The following HS3ST2 variants were observed in gnomAD, a reference collection of about 807,000 sequenced individuals.
HS3ST2 encodes the protein heparan sulfate-glucosamine 3-sulfotransferase 2, also known as heparan sulfate glucosamine 3-O-sulfotransferase 2.
In HS3ST2, 17 loss-of-function variants were observed where a neutral mutation model predicts 26.3. That is an observed-to-expected ratio of 0.65 (90% confidence interval 0.44 to 0.97). HS3ST2 has a LOEUF of 0.97. Among genes scored for constraint, HS3ST2 ranks in the 50% least tolerant of loss-of-function variants. HS3ST2 has a pLI of 0.00. For synonymous variants in HS3ST2, 237 were observed against 219.2 expected (o/e 1.08, Z -0.72); for missense variants, 402 against 501.2 (o/e 0.80, Z 1.89).
At chr16:22,835,830 T>C (rs1268350594) in intron 1 of HS3ST2, among the ~76,000 whole-genome samples, 1 of 152,196 alleles carries the variant, frequency 6.6e-6, no homozygotes, top group Non-Finnish European at 1.5e-5. Flanking sequence ...AAAGCTACAC[T>C]CAGCAGCAAC....
intron 1 of HS3ST2, among the ~76,000 whole-genome samples, chr16:22,859,763 C>T (rs375534132): frequency 5.9e-5 from 9 of 152,072 alleles, no homozygotes; most frequent in East Asian, 1.9e-4. Flanking sequence ...CAGCAGTAAC[C>T]GAGCAGTATT....
chr16:22,873,103 T>C lies in HS3ST2; in HGVS notation c.486-41841T>C, dbSNP rs145008202. Among the ~76,000 whole-genome samples, 25 of 152,332 alleles carry C rather than the reference T, an allele frequency of 1.6e-4. 1 individual carries two copies. The East Asian group carries it at 4.6e-3, about 28-fold the overall frequency. ...GATTAAATTATTCACATAAAGCATCTAGAAAAGTATCTGGCATGTAAGTAG... is the reference window on the plus strand; with the variant it reads ...GATTAAATTATTCACATAAAGCATCCAGAAAAGTATCTGGCATGTAAGTAG... On this transcript the variant is annotated intron_variant, in intron 1 of 1. Transcript: ENST00000261374.
At chr16:22,820,965 C>T (rs1429204709) in intron 1 of HS3ST2, among the ~76,000 whole-genome samples, 2 of 152,150 alleles carry the variant, frequency 1.3e-5, no homozygotes, top group Non-Finnish European at 2.9e-5. Flanking sequence ...TCCGGAAATG[C>T]CCTCTGCCTG....
intron 1 of HS3ST2, among the ~76,000 whole-genome samples, chr16:22,833,607 A>G (rs1276946677): frequency 6.6e-6 from 1 of 152,168 alleles, no homozygotes; most frequent in Non-Finnish European, 1.5e-5. Flanking sequence ...CATGAGAGAA[A>G]GATATTTGTT....
Position 22,815,004 on chromosome 16 carries a change from G to T in HS3ST2, c.394G>T (p.Glu132Ter). 1 of 1,613,178 alleles carries T rather than the reference G, an allele frequency of 6.2e-7. No individual in the cohort carries two copies. The highest frequency in any genetic ancestry group is 8.5e-7 in the Non-Finnish European group (1 of 1,180,012). Reference sequence around the variant, plus strand: ...GAAGGGGGGCACCCGGGCCGTGCTGGAGTTTATCCGAGTACACCCGGACGT... The same window carrying T: ...GAAGGGGGGCACCCGGGCCGTGCTGTAGTTTATCCGAGTACACCCGGACGT... Reference protein sequence around the residue: ...VKKGGTRAVLEFIRVHPDVRA... With the variant: ...VKKGGTRAVL Residue 132 changes from glutamate to a stop codon, truncating the protein, a stop_gained, in exon 1 of 2, where the codon GAG (glutamate) becomes TAG (stop). Transcript: ENST00000261374. LOFTEE classifies it high-confidence loss of function.
At chr16:22,881,706 G>A (rs1901993006) in intron 1 of HS3ST2, among the ~76,000 whole-genome samples, 1 of 152,176 alleles carries the variant, frequency 6.6e-6, no homozygotes, top group Non-Finnish European at 1.5e-5. Context: ...ACTCTTCACA[G>A]CATCTAAGAG....
In HS3ST2 at chr16:22,915,862, A is replaced by T; in HGVS notation, c.*300A>T. On this transcript the variant is annotated 3_prime_UTR_variant, in exon 2 of 2. Coordinates refer to ENST00000261374, the MANE Select transcript of HS3ST2 (RefSeq NM_006043.2). Reference sequence around the variant, plus strand: ...TGGAGAATTGCTTTAAGAAGAGTGAATGTTCCAATGATGATAGATATTATA... The same window carrying T: ...TGGAGAATTGCTTTAAGAAGAGTGATTGTTCCAATGATGATAGATATTATA... The T allele has an allele frequency of 2.6e-6, 1 of 387,130 alleles. No individual in the cohort carries two copies. The highest frequency in any genetic ancestry group is 4.6e-6 in the Non-Finnish European group (1 of 215,704). 24.0% of individuals were successfully genotyped at this position (387,130 alleles called of 1,614,324 possible).
intron 1 of HS3ST2, among the ~76,000 whole-genome samples, chr16:22,907,755 C>A (rs1192250406): frequency 6.6e-6 from 1 of 152,322 alleles, no homozygotes; most frequent in East Asian, 1.9e-4. Flanking sequence ...TAAGTTGGAG[C>A]TGCAGTTACA....
In HS3ST2 at chr16:22,860,164, A is replaced by G. The variant is rs543286642; in HGVS notation, c.485+45069A>G. Reference sequence around the variant, plus strand: ...CTAGCTGAGAGTGGGTAATTTATAAAGGAAAGAGGTTTAATGGACTCACAG... The same window carrying G: ...CTAGCTGAGAGTGGGTAATTTATAAGGGAAAGAGGTTTAATGGACTCACAG... On this transcript the variant is annotated intron_variant, in intron 1 of 1. Coordinates refer to ENST00000261374, the MANE Select transcript of HS3ST2 (RefSeq NM_006043.2). Among the ~76,000 whole-genome samples, 6 of 152,300 alleles carry G rather than the reference A, an allele frequency of 3.9e-5. No individual in the cohort carries two copies. In the South Asian group the frequency reaches 1.2e-3, roughly 32 times the overall value.
intron 1 of HS3ST2, among the ~76,000 whole-genome samples, chr16:22,907,120 T>C (rs1044030294): frequency 6.6e-6 from 1 of 152,120 alleles, no homozygotes; most frequent in Non-Finnish European, 1.5e-5. Flanking sequence ...GTAAGATGGA[T>C]CAGAGTCTTA....
intron 1 of HS3ST2, among the ~76,000 whole-genome samples, chr16:22,821,974 C>T (rs1901001374): frequency 6.6e-6 from 1 of 152,152 alleles, no homozygotes; most frequent in Non-Finnish European, 1.5e-5. Context: ...GAGGAGCTGA[C>T]AATGGCTCCA....
chr16:22,825,619 T>C (rs1901073156), intron 1 of HS3ST2, among the ~76,000 whole-genome samples: 1 of 152,146 alleles, frequency 6.6e-6, no homozygotes, highest in African/African-American at 2.4e-5. Flanking sequence ...GAGGATTTCC[T>C]TGGATAGAGA....
At chr16:22,913,110 A>G (rs1000935731) in intron 1 of HS3ST2, among the ~76,000 whole-genome samples, 4 of 140,738 alleles carry the variant, frequency 2.8e-5, no homozygotes, top group Non-Finnish European at 6.2e-5. Context: ...AGAAAGAAAG[A>G]AAGAGAAGAA....
At chr16:22,893,315 A>G (rs1902155006) in intron 1 of HS3ST2, among the ~76,000 whole-genome samples, 1 of 152,240 alleles carries the variant, frequency 6.6e-6, no homozygotes, top group Non-Finnish European at 1.5e-5. Context: ...GTAAAAGCTC[A>G]TATAGCTATG....
intron 1 of HS3ST2, among the ~76,000 whole-genome samples, chr16:22,899,098 T>G (rs945813773): frequency 1.3e-5 from 2 of 152,184 alleles, no homozygotes; most frequent in African/African-American, 4.8e-5. Flanking sequence ...TGTGAAGTTG[T>G]AAAGCTTGGT....
intron 1 of HS3ST2, among the ~76,000 whole-genome samples, chr16:22,893,634 C>CTTTTTTTTTTTTTTTTTTTTTTTTTT (rs56664558): frequency 1.5e-5 from 2 of 130,256 alleles, no homozygotes; most frequent in African/African-American, 2.9e-5. Context: ...TTTTTCTTTT[C>CTTTTTTTTTTTTTTTTTTTTTTTTTT]TTTTTTTTTT....
intron 1 of HS3ST2, among the ~76,000 whole-genome samples, chr16:22,849,124 G>T (rs1901485619): frequency 6.6e-6 from 1 of 152,078 alleles, no homozygotes; most frequent in African/African-American, 2.4e-5. Context: ...ACACCCAGAG[G>T]GACTTGAAGC....
At chr16:22,840,291 T>C (rs758354672) in intron 1 of HS3ST2, among the ~76,000 whole-genome samples, 6 of 152,228 alleles carry the variant, frequency 3.9e-5, no homozygotes, top group African/African-American at 1.4e-4. Context: ...TTCATACTTG[T>C]GTCAGGGAGG....
intron 1 of HS3ST2, among the ~76,000 whole-genome samples, chr16:22,857,989 C>T (rs781278643): frequency 3.9e-5 from 6 of 152,054 alleles, no homozygotes; most frequent in Non-Finnish European, 8.8e-5. Context: ...TTCTTTGATT[C>T]ACTTTACCAA....
Sources: allele counts gnomAD v4.1 joint callset (sites outside exome capture counted in the v4.1 genomes callset), GRCh38; gene constraint gnomAD v4.1.1; transcripts MANE v1.5; gene names NCBI Gene and HGNC (gene_info 2026-07-23, HGNC 2026-07-21).